The following PTPN13 variants were observed in gnomAD, a reference collection of about 807,000 sequenced individuals.
The protein encoded by PTPN13 is tyrosine-protein phosphatase non-receptor type 13.
In PTPN13, 191 loss-of-function variants were observed where a neutral mutation model predicts 284.0. The ratio of observed to expected loss-of-function variants is 0.67; its 90% CI spans 0.60 to 0.76. The LOEUF is 0.76. Ranked by LOEUF, PTPN13 falls within the 30% of genes least tolerant of loss-of-function variation. The pLI is 0.00. For synonymous variants in PTPN13, 986 were observed against 1,022.3 expected (o/e 0.96, Z 0.68); for missense variants, 2,797 against 2,939.9 (o/e 0.95, Z 1.12).
At position 86,762,891 on chromosome 4, in the gene PTPN13, C is replaced by T. The variant is rs894216631; in HGVS notation, c.3718C>T (p.Arg1240Trp). ...CTCCTTTGGGCCATCTGGGGGCCTG[C>T]GGGAAGGAAGCCTGAGTTCTCAAGA... is the stretch of plus-strand genomic sequence containing the variant. The part of the protein sequence containing the change: ...ENSFGPSGGL[R>W]EGSLSSQDSR... Residue 1240 changes from arginine (R) to tryptophan (W), a missense_variant, in exon 24 of 48, where the codon CGG becomes TGG. Transcript: ENST00000411767. 12 of 1,613,724 alleles carry T rather than the reference C, an allele frequency of 7.4e-6. No individual in the cohort carries two copies. The highest frequency in any genetic ancestry group is 1.6e-4 in the Middle Eastern group (1 of 6,084).
intron 47 of PTPN13, among the ~76,000 whole-genome samples, chr4:86,814,249 C>G (rs1745555420): frequency 6.6e-6 from 1 of 151,774 alleles, no homozygotes; most frequent in South Asian, 2.1e-4. Flanking sequence ...TCGTGATCCA[C>G]CCGCCTCAGC....
chr4:86,629,682 G>C (rs28735881), intron 1 of PTPN13, among the ~76,000 whole-genome samples: 1 of 151,942 alleles, frequency 6.6e-6, no homozygotes, highest in Non-Finnish European at 1.5e-5. Flanking sequence ...TGGCCTTCAA[G>C]ACCTTATTGT....
At chr4:86,743,132 C>G (rs1736340813) in intron 16 of PTPN13, among the ~76,000 whole-genome samples, 1 of 152,134 alleles carries the variant, frequency 6.6e-6, no homozygotes, top group Non-Finnish European at 1.5e-5. Flanking sequence ...TGAGTTCTCT[C>G]AAGCACATTT....
Position 86,700,098 on chromosome 4 carries a change from C to T in PTPN13, c.635-1143C>T, listed in dbSNP as rs184918698. Among the ~76,000 whole-genome samples the T allele has an allele frequency of 1.4e-3, 220 of 152,228 alleles. 4 individuals are homozygous for T. The South Asian group carries it at 0.017, about 12-fold the overall frequency. ...AATCTTATCCTTAAGCAATTATTTG[C>T]TGCCATTCTGAAATGAATTCCCTTT... On this transcript the variant is annotated intron_variant, in intron 6 of 47. Transcript: ENST00000411767.
intron 44 of PTPN13, among the ~76,000 whole-genome samples, chr4:86,806,396 A>T (rs547340343): frequency 3.0e-4 from 46 of 152,194 alleles, no homozygotes; most frequent in African/African-American, 9.6e-4. Flanking sequence ...GATAAATAAT[A>T]AAAAAAATCA....
rs565365032 is a variant in PTPN13 at position 86,642,875 on chromosome 4, T to TA, written c.115+7511dup. Among the ~76,000 whole-genome samples, 58 of 152,252 alleles carry TA rather than the reference T, an allele frequency of 3.8e-4. No homozygotes were observed. In the East Asian group the frequency reaches 0.011, roughly 28 times the overall value. The stretch of plus-strand genomic sequence containing the variant: ...GTAGGAGCTCAGTGTTCCTACATAA[T>TA]AAAAAAATGCTATTCTCCTGCTCTT... On this transcript the variant is annotated intron_variant, in intron 2 of 47. Transcript: ENST00000411767.
chr4:86,785,086 TG>T, intron 38 of PTPN13, 144 bp from the exon 39 acceptor site: 1 of 588,556 alleles, frequency 1.7e-6, no homozygotes, highest in Non-Finnish European at 2.9e-6. Context: ...ATCACATTAG[TG>T]TAAACTACTT....
At chr4:86,669,274 G>T (rs1727450884) in intron 2 of PTPN13, among the ~76,000 whole-genome samples, 1 of 115,226 alleles carries the variant, frequency 8.7e-6, no homozygotes. Flanking sequence ...CTGTAATGTT[G>T]GGAAGAAGAT....
At chr4:86,811,173 T>A (rs1745181462) in intron 47 of PTPN13, 65 bp downstream of exon 47, 4 of 1,455,964 alleles carry the variant, frequency 2.7e-6, no homozygotes, top group Non-Finnish European at 3.7e-6. Flanking sequence ...TTAAGGTTCT[T>A]ATTAAACCAT....
intron 16 of PTPN13, among the ~76,000 whole-genome samples, chr4:86,744,260 C>T (rs1388773797): frequency 2.6e-5 from 4 of 152,190 alleles, no homozygotes; most frequent in African/African-American, 9.6e-5. Context: ...TTGACTGAAT[C>T]CTGGCTCTTA....
chr4:86,801,164 G>A (rs756548298), intron 42 of PTPN13, among the ~76,000 whole-genome samples: 1 of 152,126 alleles, frequency 6.6e-6, no homozygotes, highest in Admixed American at 6.6e-5. Context: ...TAGACCCATA[G>A]CTCTTCTAAG....
intron 43 of PTPN13, among the ~76,000 whole-genome samples, chr4:86,804,370 C>T (rs1578720715): frequency 6.6e-6 from 1 of 152,138 alleles, no homozygotes; most frequent in Non-Finnish European, 1.5e-5. Context: ...AAACCATCTG[C>T]TTATTTGCCT....
intron 6 of PTPN13, among the ~76,000 whole-genome samples, chr4:86,699,219 C>T (rs1417427947): frequency 1.3e-5 from 2 of 152,044 alleles, no homozygotes; most frequent in Non-Finnish European, 2.9e-5. Context: ...AACCCCTTCT[C>T]TACTAAAAAT....
At chr4:86,706,585 A>T (rs1731794821) in intron 7 of PTPN13, among the ~76,000 whole-genome samples, 1 of 152,144 alleles carries the variant, frequency 6.6e-6, no homozygotes, top group Non-Finnish European at 1.5e-5. Context: ...AAGGCAGCTA[A>T]TCCTATGACT....
chr4:86,657,039 A>G (rs1341883755), intron 2 of PTPN13, among the ~76,000 whole-genome samples: 1 of 152,170 alleles, frequency 6.6e-6, no homozygotes, highest in Non-Finnish European at 1.5e-5. Context: ...GCAGGATATT[A>G]TCTCTTGGTG....
At chr4:86,753,520 G>A (rs1186424456) in intron 20 of PTPN13, among the ~76,000 whole-genome samples, 1 of 151,936 alleles carries the variant, frequency 6.6e-6, no homozygotes, top group Non-Finnish European at 1.5e-5. Flanking sequence ...GTGGCATGTG[G>A]GGGCCAGGGT....
intron 1 of PTPN13, among the ~76,000 whole-genome samples, chr4:86,598,997 G>A (rs1031332874): frequency 6.6e-6 from 1 of 152,124 alleles, no homozygotes; most frequent in African/African-American, 2.4e-5. Context: ...CTGGCCTAAA[G>A]CAGTTGTCCC....
chr4:86,610,028 A>G (rs946971027), intron 1 of PTPN13, among the ~76,000 whole-genome samples: 6 of 152,174 alleles, frequency 3.9e-5, no homozygotes, highest in African/African-American at 1.4e-4. Flanking sequence ...TTTAGATTCA[A>G]CATGGTGAAA....
intron 2 of PTPN13, among the ~76,000 whole-genome samples, chr4:86,668,795 C>T (rs1218629662): frequency 3.0e-5 from 4 of 132,986 alleles, no homozygotes; most frequent in Admixed American, 8.1e-5. Context: ...TTAGTAGAGA[C>T]GGGGTTTCTC....
Sources: allele counts gnomAD v4.1 joint callset (sites outside exome capture counted in the v4.1 genomes callset), GRCh38; gene constraint gnomAD v4.1.1; transcripts MANE v1.5; gene names NCBI Gene and HGNC (gene_info 2026-07-23, HGNC 2026-07-21).